Variants in NAV1 observed in about 807,000 individuals in gnomAD.
The protein encoded by NAV1 is neuron navigator 1.
Under a neutral mutation model 175.2 loss-of-function variants are expected in NAV1, and 18 were observed. The observed-to-expected ratio is 0.10, with a 90% CI of 0.07 to 0.15. The LOEUF is 0.15. NAV1 is among the 10% of genes least tolerant of loss of function. NAV1 has a pLI of 1.00. For synonymous variants in NAV1, 897 were observed against 978.7 expected (o/e 0.92, Z 1.56); for missense variants, 1,731 against 2,436.6 (o/e 0.71, Z 6.10).
exon 1 of NAV1, chr1:201,623,268 A>G: frequency 1.0e-6 from 1 of 986,022 alleles, no homozygotes; most frequent in Admixed American, 6.1e-5. Context: ...GCACCCAGGG[A>G]AAGAAGAAAA....
At chr1:201,565,260 A>G (rs1038305832) in intron 1 of NAV1, among the ~76,000 whole-genome samples, 2 of 152,252 alleles carry the variant, frequency 1.3e-5, no homozygotes, top group African/African-American at 2.4e-5. Flanking sequence ...TACTGCTATC[A>G]TCATTACTAC....
intron 1 of NAV1, among the ~76,000 whole-genome samples, chr1:201,580,035 C>G (rs1297555100): frequency 6.6e-6 from 1 of 152,148 alleles, no homozygotes; most frequent in Admixed American, 6.5e-5. Flanking sequence ...GGCGCAAATC[C>G]CAGAATCCAA....
chr1:201,812,486 C>T lies in NAV1; in HGVS notation c.5046C>T (p.Asn1682=), dbSNP rs1018004100. ...GCAGGATGTTGACCTTCTCCAACAA[C>T]GTGGAGCCAGCCAATGGCTTCCTGG... The change falls in exon 27 of 30, where the codon AAC becomes AAT. Residue 1682 remains asparagine (N), a synonymous_variant. Transcript: ENST00000367296. This position sits in a 1 kb window ranked among gnomAD's most constrained non-coding sequence, Gnocchi z 4.6. The T allele has an allele frequency of 3.7e-6, 6 of 1,614,028 alleles. No homozygotes were observed. The highest frequency in any genetic ancestry group is 2.2e-5 in the East Asian group (1 of 44,900).
chr1:201,748,065 G>A (rs976262422), intron 3 of NAV1, among the ~76,000 whole-genome samples: 8 of 152,298 alleles, frequency 5.3e-5, no homozygotes, highest in South Asian at 2.1e-4. Context: ...CTGGAAAGGC[G>A]GCTCTCTGAG....
exon 1 of NAV1, chr1:201,648,824 C>T: frequency 1.3e-6 from 2 of 1,591,176 alleles, no homozygotes; most frequent in Non-Finnish European, 1.7e-6. Flanking sequence ...CGCCCGGCGG[C>T]GGCGGCGGCA....
At chr1:201,809,630 C>G in intron 22 of NAV1, 93 bp downstream of exon 26, 1 of 1,223,442 alleles carries the variant, frequency 8.2e-7, no homozygotes, top group South Asian at 1.4e-5. Context: ...GCCACCCAGG[C>G]TGGAGGGCAG....
exon 30 of NAV1, chr1:201,826,259 C>G (rs1247876951): frequency 6.6e-6 from 1 of 152,184 alleles, no homozygotes; most frequent in African/African-American, 2.4e-5. Context: ...ATGGTGGATC[C>G]TCTGGCCATC....
intron 3 of NAV1, among the ~76,000 whole-genome samples, chr1:201,767,757 C>A (rs573400684): frequency 1.8e-3 from 270 of 152,218 alleles, no homozygotes; most frequent in Middle Eastern, 3.4e-3. Context: ...GATGGAACAT[C>A]ACTTGCTAAT....
rs16849332 is a variant in NAV1 at position 201,781,179 on chromosome 1, A to T, written c.1533A>T (p.Ser511=). The change falls in exon 5 of 30, where the codon TCA becomes TCT. Residue 511 remains serine (S), a synonymous_variant. Coordinates refer to ENST00000367296, the Ensembl canonical transcript of NAV1. ...AGCGGCCTGAGAGCTGTGATGATTCATCCAAGGGTGGAGAACTGAAAAAGC... is the reference window on the plus strand; with the variant it reads ...AGCGGCCTGAGAGCTGTGATGATTCTTCCAAGGGTGGAGAACTGAAAAAGC... The T allele has an allele frequency of 1.9e-6, 3 of 1,614,118 alleles. No homozygotes were observed. The South Asian group carries it at 3.3e-5, about 18-fold the overall frequency.
intron 1 of NAV1, among the ~76,000 whole-genome samples, chr1:201,554,247 G>A (rs1247822102): frequency 6.6e-6 from 1 of 152,190 alleles, no homozygotes; most frequent in African/African-American, 2.4e-5. Flanking sequence ...GGAAACACAG[G>A]TCCACGTGCA....
chr1:201,576,355 C>T (rs1176391754), intron 1 of NAV1, among the ~76,000 whole-genome samples: 1 of 152,126 alleles, frequency 6.6e-6, no homozygotes, highest in Admixed American at 6.5e-5. Flanking sequence ...GTTTCTGTTG[C>T]TGAGTAATAT....
At chr1:201,707,380 A>G (rs1019619330) in intron 1 of NAV1, among the ~76,000 whole-genome samples, 2 of 152,136 alleles carry the variant, frequency 1.3e-5, no homozygotes, top group African/African-American at 4.8e-5. Flanking sequence ...ACCGTACTAT[A>G]AGCATGTTTG....
intron 1 of NAV1, among the ~76,000 whole-genome samples, chr1:201,580,720 C>T (rs531162845): frequency 3.3e-5 from 5 of 151,676 alleles, no homozygotes; most frequent in South Asian, 4.2e-4. Flanking sequence ...TGCAGTGAGC[C>T]GAGATCCCAC....
rs184943708 is a variant in NAV1 at position 201,599,055 on chromosome 1, G to A, written c.-33+10406G>A. Among the ~76,000 whole-genome samples, 14 of 152,284 alleles carry A rather than the reference G, an allele frequency of 9.2e-5. No individual in the cohort carries two copies. The East Asian group carries it at 2.5e-3, about 27-fold the overall frequency. ...TTTGTTGGCCCCACTTAGCATATGG[G>A]GAGGCATAAGGCCAGATCTCTGCCT... is the stretch of plus-strand genomic sequence containing the variant. On this transcript the variant is annotated intron_variant, in intron 2 of 33. Transcript: ENST00000685211.
intron 1 of NAV1, among the ~76,000 whole-genome samples, chr1:201,693,407 C>G (rs1020929800): frequency 6.6e-6 from 1 of 152,186 alleles, no homozygotes; most frequent in Non-Finnish European, 1.5e-5. Context: ...GCTCACTCAC[C>G]ATCACTCGGG....
Position 201,714,954 on chromosome 1 carries a change from A to G in NAV1, c.860+2035A>G, listed in dbSNP as rs77205947. ...TTCTAGTGGGAAAGGGGAGGCTTCAATCAAGCCTTTTGCATAATGCTGACT... is the reference window on the plus strand; with the variant it reads ...TTCTAGTGGGAAAGGGGAGGCTTCAGTCAAGCCTTTTGCATAATGCTGACT... On this transcript the variant is annotated intron_variant, in intron 2 of 29. Transcript: ENST00000367296. Among the ~76,000 whole-genome samples the G allele has an allele frequency of 5.4e-3, 829 of 152,256 alleles. 8 individuals carry two copies. The highest frequency in any genetic ancestry group is 0.019 in the African/African-American group (809 of 41,546).
At chr1:201,693,715 G>A (rs368106708) in intron 1 of NAV1, among the ~76,000 whole-genome samples, 9 of 152,106 alleles carry the variant, frequency 5.9e-5, no homozygotes, top group African/African-American at 1.9e-4. Context: ...GATGGAAGCC[G>A]TAGGAGGGAT....
chr1:201,785,699 G>A (rs1301206475), intron 8 of NAV1, among the ~76,000 whole-genome samples: 2 of 151,690 alleles, frequency 1.3e-5, no homozygotes, highest in East Asian at 3.9e-4. Context: ...TGCTTCTTTG[G>A]TCACTCAGCT....
chr1:201,559,351 C>A lies in NAV1; in HGVS notation c.-144+20009C>A, dbSNP rs1165291313. ...CCATTTGGAGAGACCAGAAGCACAC[C>A]CTTGGAGGATCTGACACTGGAGACT... On this transcript the variant is annotated intron_variant, in intron 1 of 33. Transcript: ENST00000685211. Among the ~76,000 whole-genome samples, 5 of 152,084 alleles carry A rather than the reference C, an allele frequency of 3.3e-5. 1 individual carries two copies. The highest frequency in any genetic ancestry group is 9.7e-5 in the African/African-American group (4 of 41,382).
Sources: gnomAD v4.1 joint callset for allele counts (sites outside exome capture counted in the v4.1 genomes callset) on GRCh38, gnomAD v4.1.1 for gene constraint, Gnocchi (gnomAD v3.1) non-coding constraint, MANE v1.5 for transcripts, NCBI Gene and HGNC (gene_info 2026-07-23, HGNC 2026-07-21) for gene names.